CNTN5: variants seen among roughly 807,000 people sequenced by gnomAD.
The protein encoded by CNTN5 is contactin 5.
CNTN5 carries 77 observed loss-of-function variants against 129.1 expected under a neutral mutation model. The observed-to-expected ratio is 0.60, with a 90% CI of 0.50 to 0.72. CNTN5 has a LOEUF of 0.72. Ranked by LOEUF, CNTN5 falls within the 30% of genes least tolerant of loss-of-function variation. The pLI, the probability that CNTN5 is intolerant of heterozygous loss-of-function variation, is 0.00. For synonymous variants in CNTN5, 509 were observed against 465.6 expected (o/e 1.09, Z -1.20); for missense variants, 1,478 against 1,328.8 (o/e 1.11, Z -1.75).
intron 9 of CNTN5, among the ~76,000 whole-genome samples, chr11:100,024,445 C>T (rs1183210004): frequency 6.6e-6 from 1 of 152,052 alleles, no homozygotes; most frequent in Non-Finnish European, 1.5e-5. Flanking sequence ...TGGGGCACTG[C>T]TATAATGATA....
intron 2 of CNTN5, among the ~76,000 whole-genome samples, chr11:99,479,983 C>A (rs1327233127): frequency 1.4e-5 from 2 of 147,744 alleles, no homozygotes; most frequent in African/African-American, 5.0e-5. Flanking sequence ...AAAAGCTAAA[C>A]CCTTTATTAC....
intron 15 of CNTN5, among the ~76,000 whole-genome samples, chr11:100,202,634 A>G (rs978608363): frequency 6.6e-6 from 1 of 151,828 alleles, no homozygotes; most frequent in African/African-American, 2.4e-5. Context: ...AAACAGTTTC[A>G]TTGTCTGAGT....
At chr11:99,363,112 A>G (rs1478848505) in intron 2 of CNTN5, among the ~76,000 whole-genome samples, 1 of 152,100 alleles carries the variant, frequency 6.6e-6, no homozygotes, top group African/African-American at 2.4e-5. Context: ...TGTGAAAAGC[A>G]TTATCTTCTT....
intron 2 of CNTN5, among the ~76,000 whole-genome samples, chr11:99,380,472 T>C (rs758506255): frequency 7.9e-5 from 12 of 152,140 alleles, no homozygotes; most frequent in Non-Finnish European, 1.5e-4. Flanking sequence ...GATTTGTTCA[T>C]TCAAATATTG....
At chr11:99,155,288 T>A (rs1233927411) in intron 1 of CNTN5, among the ~76,000 whole-genome samples, 1 of 152,210 alleles carries the variant, frequency 6.6e-6, no homozygotes, top group African/African-American at 2.4e-5. Flanking sequence ...AAAACATTTT[T>A]AAAAATCTAG....
Position 100,200,419 on chromosome 11 carries a change from A to T in CNTN5, c.1884+6756A>T, listed in dbSNP as rs186447577. 3.0e-3 allele frequency among the ~76,000 whole-genome samples: 455 copies of T among 152,018 alleles called. 7 individuals carry two copies. Among genetic ancestry groups the T allele is most frequent in the Non-Finnish European group, 6.3e-4 (43 of 67,916 alleles). ...TAATCTACCAAAACAAACTTCCTAT[A>T]TTGTCGTAGGTATACAGAGCATTTT... On this transcript the variant is annotated intron_variant, in intron 15 of 24. Coordinates refer to ENST00000524871, the MANE Select transcript of CNTN5 (RefSeq NM_014361.4).
intron 1 of CNTN5, among the ~76,000 whole-genome samples, chr11:99,180,345 T>G (rs1857988212): frequency 6.6e-6 from 1 of 151,936 alleles, no homozygotes; most frequent in Non-Finnish European, 1.5e-5. Context: ...GGCTCCAGAG[T>G]TGGCCACTCA....
At chr11:99,767,879 A>G (rs1944809294) in intron 3 of CNTN5, among the ~76,000 whole-genome samples, 2 of 151,928 alleles carry the variant, frequency 1.3e-5, no homozygotes, top group South Asian at 4.1e-4. Context: ...TATGTTTTTT[A>G]TTTTAAATAT....
intron 9 of CNTN5, among the ~76,000 whole-genome samples, chr11:100,037,494 G>C (rs1423625781): frequency 6.6e-6 from 1 of 152,040 alleles, no homozygotes; most frequent in Admixed American, 6.5e-5. Flanking sequence ...AAATGAGTTA[G>C]GGAGGATTCC....
chr11:99,363,280 C>G (rs1939235454), intron 2 of CNTN5, among the ~76,000 whole-genome samples: 1 of 152,014 alleles, frequency 6.6e-6, no homozygotes, highest in Non-Finnish European at 1.5e-5. Flanking sequence ...TTGACTAGCT[C>G]TTTTACAAGT....
intron 3 of CNTN5, among the ~76,000 whole-genome samples, chr11:99,714,670 C>G (rs930574383): frequency 5.3e-5 from 8 of 151,758 alleles, no homozygotes; most frequent in Admixed American, 6.6e-5. Context: ...AGCGAATAGC[C>G]TAAGGTCACA....
intron 2 of CNTN5, among the ~76,000 whole-genome samples, chr11:99,474,229 T>C (rs1397280539): frequency 6.6e-6 from 1 of 152,094 alleles, no homozygotes; most frequent in African/African-American, 2.4e-5. Context: ...TTACATAATA[T>C]TTTGGATATT....
intron 3 of CNTN5, among the ~76,000 whole-genome samples, chr11:99,730,852 G>C (rs1943506731): frequency 6.6e-6 from 1 of 152,048 alleles, no homozygotes; most frequent in Admixed American, 6.6e-5. Flanking sequence ...GTTTTTAACT[G>C]TAGTCACTCT....
At chr11:100,337,223 C>T in intron 21 of CNTN5, 1 of 1,542,078 alleles carries the variant, frequency 6.5e-7, no homozygotes, top group Non-Finnish European at 8.9e-7. Context: ...CCTCCAGAAA[C>T]ATATGTGAAA....
intron 2 of CNTN5, among the ~76,000 whole-genome samples, chr11:99,553,985 CACACACACACAT>C (rs60300996): frequency 0.029 from 4,390 of 149,898 alleles, 237 homozygotes; most frequent in East Asian, 0.22. Context: ...CACACACACA[CACACACACACAT>C]ACACACACAC....
intron 13 of CNTN5, among the ~76,000 whole-genome samples, chr11:100,184,201 A>T (rs533415103): frequency 6.6e-6 from 1 of 152,294 alleles, no homozygotes; most frequent in East Asian, 1.9e-4. Flanking sequence ...TTTAATGTAT[A>T]TCACATGCCA....
chr11:99,569,575 C>T (rs1949114510), intron 3 of CNTN5, among the ~76,000 whole-genome samples: 1 of 152,110 alleles, frequency 6.6e-6, no homozygotes, highest in South Asian at 2.1e-4. Flanking sequence ...GCCTCCCAAA[C>T]TGCTGGGATT....
intron 20 of CNTN5, among the ~76,000 whole-genome samples, chr11:100,301,143 T>C (rs1951209848): frequency 6.6e-6 from 1 of 151,662 alleles, no homozygotes; most frequent in South Asian, 2.1e-4. Flanking sequence ...TTTTGAAGTA[T>C]ATGTGTTATT....
Position 100,161,808 on chromosome 11 carries a change from C to T in CNTN5, c.1581-29318C>T, listed in dbSNP as rs1305500649. Among the ~76,000 whole-genome samples the T allele has an allele frequency of 3.5e-5, 5 of 142,834 alleles. No homozygotes were observed. In the East Asian group the frequency reaches 1.0e-3, roughly 30 times the overall value. The allele number at this position is 142,834 out of a possible 152,430, so 93.7% of individuals were successfully genotyped here. A position where few individuals can be genotyped will look rare whatever the true frequency, so the allele number is the denominator to read the frequency against. Reference sequence around the variant, plus strand: ...TAGACTAGTAATTGATATCTCCTCTCAAGGATAGCCCTGGAGCTTCCTACA... The same window carrying T: ...TAGACTAGTAATTGATATCTCCTCTTAAGGATAGCCCTGGAGCTTCCTACA... On this transcript the variant is annotated intron_variant, in intron 13 of 24. Transcript: ENST00000524871.
Sources: gnomAD v4.1 joint callset for allele counts (sites outside exome capture counted in the v4.1 genomes callset) on GRCh38, gnomAD v4.1.1 for gene constraint, MANE v1.5 for transcripts, NCBI Gene and HGNC (gene_info 2026-07-23, HGNC 2026-07-21) for gene names.